The following ITGA9 variants were observed in gnomAD, a reference collection of about 807,000 sequenced individuals.
ITGA9 encodes integrin alpha-9.
In ITGA9, 56 loss-of-function variants were observed where a neutral mutation model predicts 127.8. The ratio of observed to expected loss-of-function variants is 0.44; its 90% CI spans 0.35 to 0.55. The LOEUF (loss-of-function observed/expected upper bound fraction) is 0.55, where lower values mean the gene tolerates loss of function less well. Ranked by LOEUF, ITGA9 falls within the 20% of genes least tolerant of loss-of-function variation. The pLI is 0.00. For synonymous variants in ITGA9, 508 were observed against 514.5 expected (o/e 0.99, Z 0.17); for missense variants, 1,196 against 1,347.1 (o/e 0.89, Z 1.76).
intron 15 of ITGA9, among the ~76,000 whole-genome samples, chr3:37,598,204 C>T (rs751698938): frequency 1.8e-4 from 27 of 151,812 alleles, no homozygotes; most frequent in Admixed American, 7.2e-4. Context: ...CTGCCTATGA[C>T]GCAGGTATAG....
rs748003236 is a variant in ITGA9 at position 37,667,172 on chromosome 3, C to T, written c.1916+13382C>T. Among the ~76,000 whole-genome samples, 79 of 152,232 alleles carry T rather than the reference C, an allele frequency of 5.2e-4. No individual in the cohort carries two copies. In the Middle Eastern group the frequency reaches 0.01, roughly 20 times the overall value. On this transcript the variant is annotated intron_variant, in intron 17 of 27. Transcript: ENST00000264741. Reference sequence around the variant, plus strand: ...CAGTTGATGAATTTATTCTGAAATTCCAACAGGAGTATCATATCACCTTTT... The same window carrying T: ...CAGTTGATGAATTTATTCTGAAATTTCAACAGGAGTATCATATCACCTTTT...
chr3:37,656,986 A>G (rs182014262), intron 17 of ITGA9, among the ~76,000 whole-genome samples: 5,885 of 151,640 alleles, frequency 0.039, 125 homozygotes, highest in Non-Finnish European at 0.049. Context: ...TATGTGATGG[A>G]TTATGTTTAT....
intron 22 of ITGA9, among the ~76,000 whole-genome samples, chr3:37,744,944 A>G (rs186064767): frequency 6.6e-6 from 1 of 152,330 alleles, no homozygotes; most frequent in African/African-American, 2.4e-5. Flanking sequence ...GTGTGGATGA[A>G]GTGAAGGAGA....
intron 18 of ITGA9, among the ~76,000 whole-genome samples, chr3:37,723,511 C>T (rs984484863): frequency 6.6e-6 from 1 of 152,102 alleles, no homozygotes; most frequent in Non-Finnish European, 1.5e-5. Context: ...CAGATGTGTG[C>T]TACTACAACT....
At chr3:37,506,278 A>T (rs1698843182) in intron 7 of ITGA9, among the ~76,000 whole-genome samples, 193 bp downstream of exon 7, 1 of 151,960 alleles carries the variant, frequency 6.6e-6, no homozygotes, top group Admixed American at 6.6e-5. Flanking sequence ...GAGTGTGAGT[A>T]TACTCACACT....
intron 15 of ITGA9, among the ~76,000 whole-genome samples, chr3:37,598,893 G>A (rs1699892277): frequency 6.6e-6 from 1 of 152,108 alleles, no homozygotes; most frequent in Admixed American, 6.5e-5. Flanking sequence ...GGGTTTGTGG[G>A]GAGGGCTGCA....
chr3:37,563,352 A>G (rs747480759), intron 15 of ITGA9, among the ~76,000 whole-genome samples: 1 of 152,240 alleles, frequency 6.6e-6, no homozygotes, highest in Non-Finnish European at 1.5e-5. Context: ...GGGAGCAGCC[A>G]GCAACTCCCT....
chr3:37,728,350 A>C (rs1187488060), intron 18 of ITGA9, among the ~76,000 whole-genome samples: 2 of 152,160 alleles, frequency 1.3e-5, no homozygotes, highest in Non-Finnish European at 2.9e-5. Context: ...ATCTCCCCAA[A>C]ATTTGTATTT....
intron 15 of ITGA9, among the ~76,000 whole-genome samples, chr3:37,567,882 G>A (rs1008560211): frequency 6.6e-6 from 1 of 152,150 alleles, no homozygotes; most frequent in African/African-American, 2.4e-5. Flanking sequence ...CTGGCATTGA[G>A]TATCTGTGGC....
intron 15 of ITGA9, among the ~76,000 whole-genome samples, chr3:37,598,069 C>T (rs1319366228): frequency 6.6e-6 from 1 of 152,218 alleles, no homozygotes. Context: ...TTATTTTACA[C>T]TTTGTGGCTT....
At chr3:37,514,532 T>TG (rs199732259) in intron 9 of ITGA9, among the ~76,000 whole-genome samples, 1 of 151,966 alleles carries the variant, frequency 6.6e-6, no homozygotes, top group Non-Finnish European at 1.5e-5. Flanking sequence ...CATTTCAGCA[T>TG]GGGGGGGCAG....
intron 18 of ITGA9, among the ~76,000 whole-genome samples, chr3:37,723,729 G>A (rs574993235): frequency 9.8e-5 from 15 of 152,286 alleles, no homozygotes; most frequent in East Asian, 3.9e-4. Flanking sequence ...CATGTGCTGC[G>A]ACGGCAGCGC....
chr3:37,603,895 G>C (rs1259964439), intron 15 of ITGA9, among the ~76,000 whole-genome samples: 1 of 152,196 alleles, frequency 6.6e-6, no homozygotes, highest in Non-Finnish European at 1.5e-5. Flanking sequence ...GTTGGGCTGG[G>C]GAAGGGCAAA....
At position 37,806,961 on chromosome 3, in the gene ITGA9, C is replaced by T. The variant is rs187629605; in HGVS notation, c.3009+3019C>T. 705 of 152,354 alleles carry T rather than the reference C, an allele frequency of 4.6e-3. 9 individuals carry two copies. The highest frequency in any genetic ancestry group is 2.8e-3 in the Non-Finnish European group (192 of 68,062). 9.4% of individuals were successfully genotyped at this position (152,354 alleles called of 1,614,324 possible). On this transcript the variant is annotated intron_variant, in intron 27 of 27. Coordinates refer to ENST00000264741, the MANE Select transcript of ITGA9 (RefSeq NM_002207.3). This position sits in a 1 kb window ranked among gnomAD's most constrained non-coding sequence, Gnocchi z 4.3. ...CCTTCCCTGCACTTGACCGCCTCAC[C>T]ACCTAGCAATAGACCTGCAGGCATA...
At chr3:37,734,469 C>A (rs1696334141) in intron 19 of ITGA9, among the ~76,000 whole-genome samples, 1 of 152,148 alleles carries the variant, frequency 6.6e-6, no homozygotes, top group African/African-American at 2.4e-5. Context: ...CTTTCTCTCT[C>A]TAGTGGAGTG....
chr3:37,525,985 C>A (rs761106686), intron 12 of ITGA9, 41 bp from the exon 13 acceptor site: 39 of 1,593,462 alleles, frequency 2.4e-5, no homozygotes, highest in Non-Finnish European at 2.9e-5. Context: ...TGTGTATGGG[C>A]TTCAGCAAGT....
intron 17 of ITGA9, among the ~76,000 whole-genome samples, chr3:37,678,950 A>C (rs1173175867): frequency 6.6e-6 from 1 of 152,228 alleles, no homozygotes; most frequent in Non-Finnish European, 1.5e-5. Context: ...TAGTGAATGA[A>C]TTGGTGCTAA....
chr3:37,656,325 G>A (rs1287760760), intron 17 of ITGA9, among the ~76,000 whole-genome samples: 1 of 152,116 alleles, frequency 6.6e-6, no homozygotes, highest in Non-Finnish European at 1.5e-5. Flanking sequence ...GTTTCCATGA[G>A]CACAGACTGT....
chr3:37,704,897 T>C (rs1700987453), intron 18 of ITGA9, among the ~76,000 whole-genome samples: 1 of 152,228 alleles, frequency 6.6e-6, no homozygotes, highest in Non-Finnish European at 1.5e-5. Flanking sequence ...TTATTTTTGT[T>C]TTGTTTTATT....
Sources: allele counts gnomAD v4.1 joint callset (sites outside exome capture counted in the v4.1 genomes callset), GRCh38; gene constraint gnomAD v4.1.1; non-coding constraint Gnocchi (gnomAD v3.1); transcripts MANE v1.5; gene names NCBI Gene and HGNC (gene_info 2026-07-23, HGNC 2026-07-21).